Variants in GGA2 observed in about 807,000 individuals in gnomAD.
GGA2 encodes golgi associated, gamma adaptin ear containing, ARF binding protein 2, also known as ADP-ribosylation factor-binding protein GGA2.
GGA2 carries 48 observed loss-of-function variants against 79.5 expected under a neutral mutation model. That is an observed-to-expected ratio of 0.60 (90% confidence interval 0.48 to 0.77). The LOEUF (loss-of-function observed/expected upper bound fraction) is 0.77. Among genes scored for constraint, GGA2 ranks in the 30% least tolerant of loss-of-function variants. GGA2 has a pLI of 0.00. For synonymous variants in GGA2, 317 were observed against 302.0 expected, an observed-to-expected ratio of 1.05 and a Z score of -0.51; for missense variants, 770 against 774.0, an observed-to-expected ratio of 0.99 and a Z score of 0.06.
Position 23,475,009 on chromosome 16 carries a change from A to T in GGA2, c.1345T>A (p.Ser449Thr), listed in dbSNP as rs1267396659. ...VPKEVPPGTKSSPGWSWEAGP... is the reference protein window; with the variant it reads ...VPKEVPPGTKTSPGWSWEAGP... The stretch of plus-strand genomic sequence containing the variant: ...GCCTCCCAGGACCAACCTGGAGAGG[A>T]CTTAGTACCTGGTGGCACTTCCTTG... The change falls in exon 14 of 17, where the codon TCC becomes ACC. Residue 449 changes from serine (S) to threonine (T), a missense_variant. Transcript: ENST00000309859. 5.6e-6 allele frequency: 9 copies of T among 1,607,968 alleles called. No homozygotes were observed. The highest frequency in any genetic ancestry group is 7.6e-6 in the Non-Finnish European group (9 of 1,176,486).
chr16:23,486,227 A>G, intron 7 of GGA2, 75 bp from the exon 8 acceptor site: 1 of 1,345,146 alleles, frequency 7.4e-7, no homozygotes, highest in South Asian at 1.2e-5. Flanking sequence ...GATGGGAAAG[A>G]GTCACTATTG....
upstream of GGA2, among the ~76,000 whole-genome samples, chr16:23,513,808 A>AAAAAAGAAAAG (rs1555501631): frequency 1.3e-5 from 2 of 150,140 alleles, no homozygotes; most frequent in African/African-American, 4.9e-5. Flanking sequence ...AAAGAAAGAA[A>AAAAAAGAAAAG]AAAAGAAAAG....
At chr16:23,517,670 T>A (rs1242091628) in intron 2 of GGA2, among the ~76,000 whole-genome samples, 1 of 152,168 alleles carries the variant, frequency 6.6e-6, no homozygotes. Context: ...TTATTTTTCA[T>A]CCCTCTCCTT....
upstream of GGA2, among the ~76,000 whole-genome samples, chr16:23,511,118 C>T (rs1965053244): frequency 6.6e-6 from 1 of 151,944 alleles, no homozygotes; most frequent in Non-Finnish European, 1.5e-5. Context: ...CCTCTTACCT[C>T]GACTTCCCAA....
chr16:23,472,973 C>T (rs1258667368), intron 14 of GGA2, among the ~76,000 whole-genome samples: 1 of 139,544 alleles, frequency 7.2e-6, no homozygotes, highest in East Asian at 2.1e-4. Flanking sequence ...GTGAAGCTTG[C>T]AGTGAGCCGA....
intron 1 of GGA2, among the ~76,000 whole-genome samples, chr16:23,501,940 G>A (rs1964926103): frequency 6.6e-6 from 1 of 152,160 alleles, no homozygotes; most frequent in Non-Finnish European, 1.5e-5. Flanking sequence ...GGGAGAAGGA[G>A]TGTCACATGG....
chr16:23,518,903 A>G (rs2142152975), intron 2 of GGA2, among the ~76,000 whole-genome samples: 1 of 152,362 alleles, frequency 6.6e-6, no homozygotes, highest in East Asian at 1.9e-4. Flanking sequence ...TCTTTTGAGT[A>G]AGAGAGTAAA....
chr16:23,509,066 G>A (rs950699214), intron 1 of GGA2, among the ~76,000 whole-genome samples: 1 of 152,074 alleles, frequency 6.6e-6, no homozygotes, highest in African/African-American at 2.4e-5. Flanking sequence ...CTCCCTGCCT[G>A]AAGTCTCACC....
rs1596971283 is a variant in GGA2 at position 23,465,664 on chromosome 16, G to A, written c.*1926C>T. ...GCCTATAAAAGCTACACAGAGGCCG[G>A]GTGCGGTGGCTCACGCCTGTAATCC... On this transcript the variant is annotated 3_prime_UTR_variant, in exon 17 of 17. Transcript: ENST00000309859. 2.2e-6 allele frequency: 1 copy of A among 459,110 alleles called. No homozygotes were observed. The highest frequency in any genetic ancestry group is 3.7e-5 in the East Asian group (1 of 27,112). 28.4% of individuals were successfully genotyped at this position (459,110 alleles called of 1,614,324 possible). A position where few individuals can be genotyped will look rare whatever the true frequency, so the allele number is the denominator to read the frequency against.
rs138397318 is a variant in GGA2, at chr16:23,494,308, A to T, written c.247T>A (p.Leu83Ile). 3.5e-5 allele frequency: 56 copies of T among 1,601,066 alleles called. 1 individual carries two copies. The Middle Eastern group carries it at 5.0e-4, about 14-fold the overall frequency. ...SPQEKEALYA[L>I]TVLEMCMNHC... is the part of the protein sequence containing the mutation. ...ACAAGGCAAGCCAAACTCACCGTTA[A>T]GGCATAAAGAGCTTCCTTCTCTTGC... is the stretch of plus-strand genomic sequence containing the variant. Residue 83 changes from leucine to isoleucine, a missense_variant, in exon 3 of 17, where the codon TTA becomes ATA. Leu to Ile is a conservative substitution (Grantham distance 5). Transcript: ENST00000309859.
At chr16:23,511,588 C>A (rs1374470037), upstream of GGA2, among the ~76,000 whole-genome samples, 1 of 151,852 alleles carries the variant, frequency 6.6e-6, no homozygotes, top group Admixed American at 6.6e-5. Context: ...ACCTCCACCT[C>A]CCTGGTTTCC....
chr16:23,508,178 C>T (rs1964994934), intron 1 of GGA2, among the ~76,000 whole-genome samples: 1 of 151,966 alleles, frequency 6.6e-6, no homozygotes, highest in South Asian at 2.1e-4. Flanking sequence ...GTGATCCTCC[C>T]ACCTCGGCCT....
Position 23,491,052 on chromosome 16 carries a change from TAAGTGAGACAGC to T in GGA2, c.475+613_475+624del, listed in dbSNP as rs373951620. Reference sequence around the variant, plus strand: ...CTACAAAAAATACAAATATTTGGTGTAAGTGAGACAGCAAGTGAGACAGAGACAGAGAGAGAG... The same window carrying T: ...CTACAAAAAATACAAATATTTGGTGTAAGTGAGACAGAGACAGAGAGAGAG... On this transcript the variant is annotated intron_variant, in intron 5 of 16. Coordinates refer to ENST00000309859, the MANE Select transcript of GGA2 (RefSeq NM_015044.4). Among the ~76,000 whole-genome samples, 675 of 152,094 alleles carry T rather than the reference TAAGTGAGACAGC, an allele frequency of 4.4e-3. 5 individuals carry two copies. Among genetic ancestry groups the T allele is most frequent in the African/African-American group, 0.016 (651 of 41,452 alleles).
intron 6 of GGA2, 129 bp from the exon 7 acceptor site, chr16:23,486,919 G>A (rs1964721085): frequency 2.8e-6 from 2 of 714,122 alleles, no homozygotes; most frequent in Non-Finnish European, 5.2e-6. Context: ...TCACCAAATG[G>A]TCCAAGGACA....
upstream of GGA2, among the ~76,000 whole-genome samples, chr16:23,512,073 T>C (rs1965072211): frequency 6.6e-6 from 1 of 152,226 alleles, no homozygotes; most frequent in Admixed American, 6.5e-5. Context: ...ATTGAAGCTG[T>C]TGTGCCGTAC....
rs1282941953 is a variant in GGA2, at chr16:23,491,776, T to C, written c.376A>G (p.Lys126Glu). ...PKYLGSWATG[K>E]VKGRVIEILF... Reference sequence around the variant, plus strand: ...ATTTCAATGACTCTTCCTTTAACTTTTCCTGTGGCCCAGGACCCCAGGTAC... The same window carrying C: ...ATTTCAATGACTCTTCCTTTAACTTCTCCTGTGGCCCAGGACCCCAGGTAC... The change falls in exon 5 of 17, where the codon AAA becomes GAA. Residue 126 changes from lysine to glutamate, a missense_variant. Physicochemically the swap from Lys to Glu is moderately conservative, Grantham distance 56. Coordinates refer to ENST00000309859, the MANE Select transcript of GGA2 (RefSeq NM_015044.4). 1 of 1,612,586 alleles carries C rather than the reference T, an allele frequency of 6.2e-7. No individual in the cohort carries two copies. Among genetic ancestry groups the C allele is most frequent in the Admixed American group, 1.7e-5 (1 of 60,002 alleles).
chr16:23,512,492 G>A (rs1965078595), upstream of GGA2, among the ~76,000 whole-genome samples: 3 of 152,110 alleles, frequency 2.0e-5, no homozygotes, highest in African/African-American at 7.2e-5. Context: ...ATTCTTCCTT[G>A]TAGATAACTG....
Position 23,516,473 on chromosome 16 carries a change from C to G in GGA2, c.61+3114G>C, listed in dbSNP as rs1210840746. On this transcript the variant is annotated intron_variant, in intron 2 of 5. Coordinates refer to the GGA2 transcript ENST00000569300. ...TCGTGAAAATAGCCCTTTTCTGTGC[C>G]TCATTTTCCAATCTTCTCCTACTGG... 2.6e-5 allele frequency among the ~76,000 whole-genome samples: 4 copies of G among 152,092 alleles called. 1 individual carries two copies. The highest frequency in any genetic ancestry group is 2.6e-4 in the Admixed American group (4 of 15,258).
Position 23,465,495 on chromosome 16 carries a change from C to A in GGA2, c.*2095G>T. On this transcript the variant is annotated 3_prime_UTR_variant, in exon 17 of 17. Transcript: ENST00000309859. ...TCAAAAGCAAGAATGTTCAGGTACA[C>A]ATGTGTGAGTTCACCTCCTAACTAT... is the stretch of plus-strand genomic sequence containing the variant. The A allele has an allele frequency of 1.4e-6, 1 of 693,802 alleles. No homozygotes were observed. Among genetic ancestry groups the A allele is most frequent in the South Asian group, 1.5e-5 (1 of 66,126 alleles). 43.0% of individuals were successfully genotyped at this position (693,802 alleles called of 1,614,324 possible).
Sources: allele counts gnomAD v4.1 joint callset (sites outside exome capture counted in the v4.1 genomes callset), GRCh38; gene constraint gnomAD v4.1.1; transcripts MANE v1.5; gene names NCBI Gene and HGNC (gene_info 2026-07-23, HGNC 2026-07-21).